The following KLHL1 variants were observed in gnomAD, a reference collection of about 807,000 sequenced individuals.
The protein encoded by KLHL1 is kelch like family member 1, also known as kelch-like protein 1.
KLHL1 carries 47 observed loss-of-function variants against 77.7 expected under a neutral mutation model. The ratio of observed to expected loss-of-function variants is 0.60; its 90% CI spans 0.48 to 0.77. KLHL1 has a LOEUF of 0.77. Ranked by LOEUF, KLHL1 falls within the 30% of genes least tolerant of loss-of-function variation. The pLI, the probability that KLHL1 is intolerant of heterozygous loss-of-function variation, is 0.00. For synonymous variants in KLHL1, 360 were observed against 325.2 expected (o/e 1.11, Z -1.15); for missense variants, 925 against 910.8 (o/e 1.02, Z -0.20).
At chr13:69,893,575 G>T (rs923360919) in intron 4 of KLHL1, among the ~76,000 whole-genome samples, 3 of 152,178 alleles carry the variant, frequency 2.0e-5, no homozygotes, top group Non-Finnish European at 2.9e-5. Context: ...TTTAGTACCT[G>T]CCATTAATGT....
intron 1 of KLHL1, among the ~76,000 whole-genome samples, chr13:70,069,652 C>T (rs2137415977): frequency 6.6e-6 from 1 of 151,906 alleles, no homozygotes; most frequent in East Asian, 1.9e-4. Flanking sequence ...GAAAGAAATG[C>T]TAGAAATGAA....
At chr13:69,934,971 T>TAC (rs1415060574) in intron 4 of KLHL1, among the ~76,000 whole-genome samples, 1 of 131,836 alleles carries the variant, frequency 7.6e-6, no homozygotes, top group Non-Finnish European at 1.6e-5. Flanking sequence ...TGTATATATA[T>TAC]ATATATATAT....
chr13:69,995,294 A>G (rs1252074729), intron 1 of KLHL1, among the ~76,000 whole-genome samples: 5 of 152,086 alleles, frequency 3.3e-5, no homozygotes. Context: ...TTACGTGTGT[A>G]TATACAACTC....
intron 1 of KLHL1, among the ~76,000 whole-genome samples, chr13:70,084,168 G>A (rs1286284075): frequency 1.3e-5 from 2 of 152,028 alleles, no homozygotes; most frequent in South Asian, 2.1e-4. Flanking sequence ...TCATGAGGAA[G>A]GTACTTTAAA....
intron 1 of KLHL1, among the ~76,000 whole-genome samples, chr13:70,042,628 A>T (rs1886403724): frequency 6.6e-6 from 1 of 152,234 alleles, no homozygotes; most frequent in African/African-American, 2.4e-5. Flanking sequence ...ATCAAGTACA[A>T]TACATAATAC....
At position 69,796,715 on chromosome 13, in the gene KLHL1, A is replaced by G. The variant is rs1335458133; in HGVS notation, c.1639+23T>C. ...TATCAATAACATGTTTCTAAAAGTA[A>G]TATCAATAAAGTAAGATCTTACCTA... On this transcript the variant is annotated intron_variant, in intron 7 of 10. Coordinates refer to ENST00000377844, the MANE Select transcript of KLHL1 (RefSeq NM_020866.3). The G allele has an allele frequency of 7.5e-6, 11 of 1,469,306 alleles. No homozygotes were observed. In the South Asian group the frequency reaches 1.3e-4, roughly 17 times the overall value. The allele number at this position is 1,469,306 out of a possible 1,614,324, so 91.0% of individuals were successfully genotyped here.
At position 69,865,737 on chromosome 13, in the gene KLHL1, T is replaced by C. The variant is rs76570646; in HGVS notation, c.1227+16546A>G. 3.8e-3 allele frequency among the ~76,000 whole-genome samples: 574 copies of C among 152,234 alleles called. 3 individuals are homozygous for C. The highest frequency in any genetic ancestry group is 0.013 in the African/African-American group (551 of 41,550). Reference sequence around the variant, plus strand: ...CAGGGAGTAAGAAAACAATAGCTGTTGAGAAAACCTTTATTTAAAGAGGAA... The same window carrying C: ...CAGGGAGTAAGAAAACAATAGCTGTCGAGAAAACCTTTATTTAAAGAGGAA... On this transcript the variant is annotated intron_variant, in intron 5 of 10. Transcript: ENST00000377844.
At chr13:69,830,578 T>A (rs1239079625) in intron 6 of KLHL1, among the ~76,000 whole-genome samples, 1 of 150,146 alleles carries the variant, frequency 6.7e-6, no homozygotes, top group Non-Finnish European at 1.5e-5. Flanking sequence ...GGACTTAAAC[T>A]ATACCCTGGA....
At chr13:70,063,300 A>C (rs1351744414) in intron 1 of KLHL1, among the ~76,000 whole-genome samples, 1 of 152,104 alleles carries the variant, frequency 6.6e-6, no homozygotes, top group African/African-American at 2.4e-5. Flanking sequence ...CCCTCCACAG[A>C]CTGCATGAAT....
At chr13:69,839,272 G>A in intron 5 of KLHL1, 110 bp from the exon 6 acceptor site, 1 of 667,694 alleles carries the variant, frequency 1.5e-6, no homozygotes, top group Non-Finnish European at 2.4e-6. Flanking sequence ...ATATTGAGCA[G>A]GATGCAGGGT....
chr13:69,782,080 C>A (rs934686228), intron 7 of KLHL1, among the ~76,000 whole-genome samples: 1 of 152,184 alleles, frequency 6.6e-6, no homozygotes, highest in Non-Finnish European at 1.5e-5. Context: ...CTTATGGCAT[C>A]TACTTGGAGA....
intron 4 of KLHL1, 53 bp from the exon 5 acceptor site, chr13:69,882,548 G>A (rs1881042468): frequency 2.4e-6 from 3 of 1,253,318 alleles, no homozygotes; most frequent in Admixed American, 1.8e-5. Flanking sequence ...TATTTAGCTA[G>A]TAAAGCATTT....
chr13:69,900,168 A>T (rs1194748979), intron 4 of KLHL1, among the ~76,000 whole-genome samples: 2 of 152,160 alleles, frequency 1.3e-5, no homozygotes, highest in Non-Finnish European at 2.9e-5. Context: ...CTTCAATAAC[A>T]TCGAATTGCC....
chr13:69,902,084 G>C (rs1311533146), intron 4 of KLHL1, among the ~76,000 whole-genome samples: 7 of 152,114 alleles, frequency 4.6e-5, no homozygotes, highest in Non-Finnish European at 8.8e-5. Context: ...ACAGGCGTGA[G>C]CCACCACGCC....
At chr13:69,771,935 T>C (rs894690373) in intron 7 of KLHL1, among the ~76,000 whole-genome samples, 8 of 152,044 alleles carry the variant, frequency 5.3e-5, no homozygotes, top group African/African-American at 1.9e-4. Context: ...GACTTATCAA[T>C]AAATAGTATA....
At chr13:69,877,908 T>A (rs1239817425) in intron 5 of KLHL1, among the ~76,000 whole-genome samples, 1 of 152,184 alleles carries the variant, frequency 6.6e-6, no homozygotes, top group East Asian at 1.9e-4. Context: ...ATATCTGATT[T>A]TCTCTGTGTA....
intron 7 of KLHL1, among the ~76,000 whole-genome samples, chr13:69,753,341 C>T (rs983634514): frequency 1.3e-5 from 2 of 152,218 alleles, no homozygotes; most frequent in South Asian, 2.1e-4. Flanking sequence ...ACTCAGGAAT[C>T]GAGTCAGGAA....
Position 69,961,358 on chromosome 13 carries a change from T to C in KLHL1, c.767A>G (p.Glu256Gly). 6.2e-7 allele frequency: 1 copy of C among 1,613,142 alleles called. No homozygotes were observed. The highest frequency in any genetic ancestry group is 8.5e-7 in the Non-Finnish European group (1 of 1,179,394). The change falls in exon 3 of 11, where the codon GAA becomes GGA. Residue 256 changes from glutamate to glycine, a missense_variant. Transcript: ENST00000377844. ...CEAKQEEIKM[E>G]GIDPNALWDL... ...CCAGAGAGCATTGGGGTCTATGCCTTCCATTTTGATCTCCTCTTGCTTGGC... is the reference window on the plus strand; with the variant it reads ...CCAGAGAGCATTGGGGTCTATGCCTCCCATTTTGATCTCCTCTTGCTTGGC...
In KLHL1 at chr13:69,988,738, A is replaced by G. The variant is rs1593654177; in HGVS notation, c.498-12936T>C. Among the ~76,000 whole-genome samples the G allele has an allele frequency of 2.0e-5, 3 of 152,126 alleles. No individual in the cohort carries two copies. The South Asian group carries it at 6.2e-4, about 32-fold the overall frequency. ...TGATATTGAACATTTTTTCATAAGT[A>G]TATTGGCTGCAAGTATGTCTTCCTT... On this transcript the variant is annotated intron_variant, in intron 1 of 10. Coordinates refer to ENST00000377844, the MANE Select transcript of KLHL1 (RefSeq NM_020866.3).
Sources: allele counts gnomAD v4.1 joint callset (sites outside exome capture counted in the v4.1 genomes callset), GRCh38; gene constraint gnomAD v4.1.1; transcripts MANE v1.5; gene names NCBI Gene and HGNC (gene_info 2026-07-23, HGNC 2026-07-21).